Variants in SLC17A8 observed in about 807,000 individuals in gnomAD.
The protein encoded by SLC17A8 is solute carrier family 17 member 8.
A neutral mutation model predicts 58.0 loss-of-function variants in SLC17A8; 31 were observed. That is an observed-to-expected ratio of 0.53 (90% CI 0.40 to 0.72). SLC17A8 has a LOEUF of 0.72. SLC17A8 is among the 30% of genes least tolerant of loss of function. The probability of loss-of-function intolerance (pLI) is 0.00; values close to 1 mark genes in which losing one functional copy is unlikely to be tolerated. For synonymous variants in SLC17A8, 228 were observed against 249.0 expected (o/e 0.92, Z 0.79); for missense variants, 655 against 727.8 (o/e 0.90, Z 1.15).
chr12:100,361,431 C>G (rs753826958), intron 1 of SLC17A8, among the ~76,000 whole-genome samples: 10 of 152,188 alleles, frequency 6.6e-5, no homozygotes, highest in Non-Finnish European at 1.3e-4. Flanking sequence ...TGGCTCATTC[C>G]CTCGCTTTCT....
intron 1 of SLC17A8, among the ~76,000 whole-genome samples, chr12:100,377,735 C>T (rs748508613): frequency 1.3e-5 from 2 of 151,776 alleles, no homozygotes; most frequent in African/African-American, 2.4e-5. Flanking sequence ...ACTACAGGCG[C>T]GTGCCACCAC....
intron 10 of SLC17A8, among the ~76,000 whole-genome samples, chr12:100,417,580 A>C (rs1952915544): frequency 6.6e-6 from 1 of 152,250 alleles, no homozygotes; most frequent in Non-Finnish European, 1.5e-5. Context: ...AAATGTGGCC[A>C]TGTGGCCAAT....
At chr12:100,402,547 A>C in intron 7 of SLC17A8, 49 bp from the exon 8 acceptor site, 1 of 1,613,158 alleles carries the variant, frequency 6.2e-7, no homozygotes. Flanking sequence ...TCTTACAGAA[A>C]AAATGTCAAT....
intron 8 of SLC17A8, 94 bp downstream of exon 8, chr12:100,402,839 C>A: frequency 7.7e-7 from 1 of 1,298,784 alleles, no homozygotes; most frequent in Non-Finnish European, 1.1e-6. Context: ...AATTGCTGAT[C>A]ATAATTCATA....
At chr12:100,366,023 G>A (rs1280258961) in intron 1 of SLC17A8, among the ~76,000 whole-genome samples, 1 of 144,538 alleles carries the variant, frequency 6.9e-6, no homozygotes, top group East Asian at 2.0e-4. Context: ...GAGTGTGGTA[G>A]TTCCCTGTCA....
At chr12:100,386,730 C>T (rs1952677528) in intron 2 of SLC17A8, among the ~76,000 whole-genome samples, 1 of 148,570 alleles carries the variant, frequency 6.7e-6, no homozygotes, top group South Asian at 2.1e-4. Context: ...ACTCTGTCAC[C>T]CAGGCTGGAG....
At chr12:100,384,687 C>T (rs1026927753) in intron 2 of SLC17A8, among the ~76,000 whole-genome samples, 3 of 152,140 alleles carry the variant, frequency 2.0e-5, no homozygotes, top group African/African-American at 7.2e-5. Context: ...GCACCCAGGA[C>T]GCAGAAGCCA....
intron 5 of SLC17A8, among the ~76,000 whole-genome samples, chr12:100,401,486 T>C (rs1489760302): frequency 6.6e-6 from 1 of 152,086 alleles, no homozygotes; most frequent in African/African-American, 2.4e-5. Context: ...TTCTCTTAGA[T>C]TTTTTTCATC....
chr12:100,365,332 T>C (rs1347228585), intron 1 of SLC17A8, among the ~76,000 whole-genome samples: 1 of 152,168 alleles, frequency 6.6e-6, no homozygotes, highest in Non-Finnish European at 1.5e-5. Context: ...CTCTATGCTA[T>C]ATTTCTCCTA....
intron 1 of SLC17A8, among the ~76,000 whole-genome samples, chr12:100,369,811 T>C (rs1952546515): frequency 6.6e-6 from 1 of 152,262 alleles, no homozygotes; most frequent in African/African-American, 2.4e-5. Context: ...CTAATTTTTA[T>C]TTTTCAACTT....
intron 9 of SLC17A8, among the ~76,000 whole-genome samples, 157 bp from the exon 10 acceptor site, chr12:100,412,613 T>G (rs946549486): frequency 4.0e-5 from 6 of 149,048 alleles, no homozygotes; most frequent in Non-Finnish European, 8.9e-5. Context: ...AAAAAAAAAC[T>G]TAAATTCCAG....
At chr12:100,402,275 T>C (rs951655689) in intron 6 of SLC17A8, 65 bp from the exon 7 acceptor site, 3 of 1,593,636 alleles carry the variant, frequency 1.9e-6, no homozygotes, top group African/African-American at 1.4e-5. Context: ...ATGGTAAAAA[T>C]TGAAAAATTT....
rs1593010903 is a variant in SLC17A8, at chr12:100,420,257, T to C, written c.*98T>C. On this transcript the variant is annotated 3_prime_UTR_variant, in exon 12 of 12. Transcript: ENST00000323346. ...GCCCAGCTTGCCAGAGGTCCAAATA[T>C]TGGGAGGGGAGAAGATCTAACCAGC... 4.4e-6 allele frequency: 4 copies of C among 919,390 alleles called. No individual in the cohort carries two copies. The highest frequency in any genetic ancestry group is 5.3e-5 in the East Asian group (2 of 37,996). The allele number at this position is 919,390 out of a possible 1,614,324, so 57.0% of individuals were successfully genotyped here.
Position 100,362,388 on chromosome 12 carries a change from T to A in SLC17A8, c.101+4896T>A, listed in dbSNP as rs1032435143. 4.1e-4 allele frequency among the ~76,000 whole-genome samples: 63 copies of A among 152,314 alleles called. 2 individuals are homozygous for A. The highest frequency in any genetic ancestry group is 1.4e-3 in the African/African-American group (57 of 41,582). On this transcript the variant is annotated intron_variant, in intron 1 of 11. Coordinates refer to ENST00000323346, the MANE Select transcript of SLC17A8 (RefSeq NM_139319.3). ...CTGCCTGGGCTAGTTTTATTTATTTTTTTATTTTAATTTTTAAAATAATAG... is the reference window on the plus strand; with the variant it reads ...CTGCCTGGGCTAGTTTTATTTATTTATTTATTTTAATTTTTAAAATAATAG...
At chr12:100,400,997 C>T (rs1216974858) in intron 5 of SLC17A8, among the ~76,000 whole-genome samples, 1 of 114,384 alleles carries the variant, frequency 8.7e-6, no homozygotes, top group Non-Finnish European at 2.0e-5. Flanking sequence ...TCACCCCTCA[C>T]CTTTTTTTTT....
intron 2 of SLC17A8, among the ~76,000 whole-genome samples, chr12:100,384,836 C>G (rs1952661744): frequency 6.6e-6 from 1 of 152,142 alleles, no homozygotes; most frequent in Non-Finnish European, 1.5e-5. Flanking sequence ...ACTAGAGAAG[C>G]CTTTGCTAAG....
intron 1 of SLC17A8, among the ~76,000 whole-genome samples, chr12:100,367,067 T>C (rs1952525215): frequency 6.6e-6 from 1 of 152,122 alleles, no homozygotes; most frequent in Non-Finnish European, 1.5e-5. Context: ...AGAGCAGGAG[T>C]ATTCCTCAGG....
At chr12:100,377,568 G>GAT (rs1203225174) in intron 1 of SLC17A8, among the ~76,000 whole-genome samples, 1,312 of 121,264 alleles carry the variant, frequency 0.011, 16 homozygotes, top group Non-Finnish European at 0.015. Flanking sequence ...ATGGCTTCAA[G>GAT]ATATATATAT....
rs138419193 is a variant in SLC17A8 at position 100,406,827 on chromosome 12, C to T, written c.1186+2657C>T. Among the ~76,000 whole-genome samples, 59 of 152,224 alleles carry T rather than the reference C, an allele frequency of 3.9e-4. No individual in the cohort carries two copies. The East Asian group carries it at 0.011, about 28-fold the overall frequency. Reference sequence around the variant, plus strand: ...CTGGGATTACAGGCATGAGCCACCTCGCCTGGCCTTGCTTATTTATTTTTA... The same window carrying T: ...CTGGGATTACAGGCATGAGCCACCTTGCCTGGCCTTGCTTATTTATTTTTA... On this transcript the variant is annotated intron_variant, in intron 9 of 11. Transcript: ENST00000323346.
Sources: gnomAD v4.1 joint callset for allele counts (sites outside exome capture counted in the v4.1 genomes callset) on GRCh38, gnomAD v4.1.1 for gene constraint, MANE v1.5 for transcripts, NCBI Gene and HGNC (gene_info 2026-07-23, HGNC 2026-07-21) for gene names.